RBMS3: variants seen among roughly 807,000 people sequenced by gnomAD.
RBMS3 encodes RNA-binding motif, single-stranded-interacting protein 3.
RBMS3 carries 27 observed loss-of-function variants against 66.8 expected under a neutral mutation model. That is an observed-to-expected ratio of 0.40 (90% confidence interval 0.30 to 0.56). The LOEUF is 0.56. Among genes scored for constraint, RBMS3 ranks in the 20% least tolerant of loss-of-function variants. The probability of loss-of-function intolerance (pLI) is 0.40; values close to 1 mark genes in which losing one functional copy is unlikely to be tolerated. For synonymous variants in RBMS3, 188 were observed against 183.0 expected (o/e 1.03, Z -0.22); for missense variants, 513 against 549.5 (o/e 0.93, Z 0.66).
chr3:29,787,178 A>C (rs952876549), intron 6 of RBMS3, among the ~76,000 whole-genome samples: 4 of 152,142 alleles, frequency 2.6e-5, no homozygotes, highest in Non-Finnish European at 5.9e-5. Flanking sequence ...ACATAAAAAA[A>C]AAAATAGATG....
intron 4 of RBMS3, among the ~76,000 whole-genome samples, chr3:29,588,845 G>A (rs542897207): frequency 3.3e-5 from 5 of 152,150 alleles, no homozygotes; most frequent in Admixed American, 6.6e-5. Flanking sequence ...ATGAAATGTA[G>A]CTGTTAGGTA....
rs1276881768 is a variant in RBMS3 at position 29,743,896 on chromosome 3, TC to T, written c.557+4025del. The stretch of plus-strand genomic sequence containing the variant: ...ATCTCCTAATGCTATCCCTCCCCCC[TC>T]CCCCCACCCCACAACAGTCCCCAGA... On this transcript the variant is annotated intron_variant, in intron 5 of 14. Transcript: ENST00000383767. Among the ~76,000 whole-genome samples, 4 of 50,352 alleles carry T rather than the reference TC, an allele frequency of 7.9e-5. No homozygotes were observed. The East Asian group carries it at 2.3e-3, about 29-fold the overall frequency. The allele number at this position is 50,352 out of a possible 152,430, so 33.0% of individuals were successfully genotyped here.
chr3:29,441,526 A>G (rs1368918665), intron 2 of RBMS3, among the ~76,000 whole-genome samples: 1 of 152,166 alleles, frequency 6.6e-6, no homozygotes, highest in Non-Finnish European at 1.5e-5. Context: ...GTTCAAATTT[A>G]TGCAGCCACC....
chr3:29,791,447 C>G (rs1321658733), intron 6 of RBMS3, among the ~76,000 whole-genome samples: 2 of 152,166 alleles, frequency 1.3e-5, no homozygotes, highest in Non-Finnish European at 2.9e-5. Flanking sequence ...AAAGAACAAA[C>G]AGTGGTGTGC....
At position 29,281,629 on chromosome 3, in the gene RBMS3, G is replaced by A; in HGVS notation, c.-53G>A. ...GGTTTAAGAGGAAGCTCGGCCTGGG[G>A]CACTATACCCTGTCATCCAGTTCCC... On this transcript the variant is annotated 5_prime_UTR_variant, in exon 1 of 15. Transcript: ENST00000383767. 1 of 1,472,880 alleles carries A rather than the reference G, an allele frequency of 6.8e-7. No homozygotes were observed. The highest frequency in any genetic ancestry group is 9.5e-7 in the Non-Finnish European group (1 of 1,052,282). 91.2% of individuals were successfully genotyped at this position (1,472,880 alleles called of 1,614,324 possible).
chr3:29,721,843 A>G (rs2053655888), intron 4 of RBMS3, among the ~76,000 whole-genome samples: 1 of 152,166 alleles, frequency 6.6e-6, no homozygotes, highest in Non-Finnish European at 1.5e-5. Flanking sequence ...TTGCCTATTG[A>G]TGCCTGGAAT....
intron 4 of RBMS3, among the ~76,000 whole-genome samples, chr3:29,707,887 G>T (rs961834795): frequency 6.6e-5 from 10 of 152,166 alleles, no homozygotes; most frequent in African/African-American, 1.9e-4. Context: ...GTTATATGTT[G>T]TGATGCTTTC....
chr3:29,440,957 CAAGT>C lies in RBMS3; in HGVS notation c.248+6045_248+6048del, dbSNP rs2041596000. On this transcript the variant is annotated intron_variant, in intron 2 of 14. Coordinates refer to ENST00000383767, the MANE Select transcript of RBMS3 (RefSeq NM_001003793.3). The stretch of plus-strand genomic sequence containing the variant: ...AAGTCATCATGCACTCCAGGGTAAA[CAAGT>C]AAATAAGAAAAATGTGACTGGAAAT... 5.3e-5 allele frequency among the ~76,000 whole-genome samples: 8 copies of C among 152,266 alleles called. No individual in the cohort carries two copies. In the South Asian group the frequency reaches 1.7e-3, roughly 32 times the overall value.
At chr3:29,358,896 T>C (rs2037392007) in intron 1 of RBMS3, among the ~76,000 whole-genome samples, 1 of 152,226 alleles carries the variant, frequency 6.6e-6, no homozygotes, top group African/African-American at 2.4e-5. Flanking sequence ...ACATTGATTT[T>C]GTATCCTGAG....
intron 4 of RBMS3, among the ~76,000 whole-genome samples, chr3:29,722,751 T>G (rs2149323132): frequency 6.6e-6 from 1 of 152,190 alleles, no homozygotes; most frequent in East Asian, 1.9e-4. Context: ...TAGGTTCGGG[T>G]TATGCCTTGC....
At chr3:29,526,090 T>G (rs763249716) in intron 3 of RBMS3, among the ~76,000 whole-genome samples, 5 of 152,080 alleles carry the variant, frequency 3.3e-5, no homozygotes, top group Non-Finnish European at 7.4e-5. Context: ...CCGCTCAAAA[T>G]GTGGTCTATA....
chr3:29,572,709 G>A (rs957734009), intron 3 of RBMS3, among the ~76,000 whole-genome samples: 8 of 152,166 alleles, frequency 5.3e-5, no homozygotes, highest in Non-Finnish European at 1.0e-4. Context: ...ATTAATCAGA[G>A]ATATTGGCCT....
At chr3:29,605,456 C>G (rs2048292162) in intron 4 of RBMS3, among the ~76,000 whole-genome samples, 1 of 151,798 alleles carries the variant, frequency 6.6e-6, no homozygotes, top group African/African-American at 2.4e-5. Context: ...CTATGTTGCT[C>G]TTAATATCGA....
intron 3 of RBMS3, among the ~76,000 whole-genome samples, chr3:29,547,672 T>A (rs1171198690): frequency 6.6e-6 from 1 of 152,124 alleles, no homozygotes; most frequent in African/African-American, 2.4e-5. Flanking sequence ...TGAAAATTTT[T>A]AAAAATATAT....
intron 3 of RBMS3, among the ~76,000 whole-genome samples, chr3:29,493,489 T>C (rs1294228064): frequency 6.6e-6 from 1 of 152,216 alleles, no homozygotes; most frequent in Admixed American, 6.5e-5. Context: ...TGGAAAATGT[T>C]TGACGATATC....
chr3:29,786,615 G>A (rs374472632), intron 6 of RBMS3, among the ~76,000 whole-genome samples: 2 of 152,240 alleles, frequency 1.3e-5, no homozygotes, highest in East Asian at 1.9e-4. Flanking sequence ...TTCACAAATG[G>A]TGCTGGCATA....
At chr3:29,329,576 C>G (rs2035532329) in intron 1 of RBMS3, among the ~76,000 whole-genome samples, 1 of 151,968 alleles carries the variant, frequency 6.6e-6, no homozygotes, top group African/African-American at 2.4e-5. Flanking sequence ...AGAGAAATGT[C>G]TTATTCTTTG....
At chr3:29,696,407 A>G (rs1023440734) in intron 4 of RBMS3, among the ~76,000 whole-genome samples, 1 of 150,338 alleles carries the variant, frequency 6.7e-6, no homozygotes, top group African/African-American at 2.5e-5. Context: ...CTAATTAAAA[A>G]CGATCATTTG....
chr3:29,635,019 A>G (rs915798470), intron 4 of RBMS3, among the ~76,000 whole-genome samples: 34 of 152,020 alleles, frequency 2.2e-4, no homozygotes, highest in African/African-American at 8.0e-4. Context: ...TTTTCAGGCA[A>G]TCTTACAAAT....
Sources: gnomAD v4.1 joint callset for allele counts (sites outside exome capture counted in the v4.1 genomes callset) on GRCh38, gnomAD v4.1.1 for gene constraint, MANE v1.5 for transcripts, NCBI Gene and HGNC (gene_info 2026-07-23, HGNC 2026-07-21) for gene names.